Variants in F13A1 observed in about 807,000 individuals in gnomAD.
F13A1 encodes coagulation factor XIII A chain, also known as FSF, A subunit.
A neutral mutation model predicts 80.1 loss-of-function variants in F13A1; 47 were observed. That is an observed-to-expected ratio of 0.59 (90% CI 0.46 to 0.75). F13A1 has a LOEUF of 0.75. Ranked by LOEUF, F13A1 falls within the 30% of genes least tolerant of loss-of-function variation. The pLI is 0.00. For synonymous variants in F13A1, 349 were observed against 344.9 expected (o/e 1.01, Z -0.13); for missense variants, 817 against 930.4 (o/e 0.88, Z 1.59).
At chr6:6,244,476 C>T (rs769829953) in intron 6 of F13A1, among the ~76,000 whole-genome samples, 4 of 152,108 alleles carry the variant, frequency 2.6e-5, no homozygotes, top group African/African-American at 4.8e-5. Context: ...TATCTCAGGC[C>T]TAATCTCTAG....
chr6:6,205,014 G>A (rs1365876850), intron 8 of F13A1, among the ~76,000 whole-genome samples: 1 of 152,250 alleles, frequency 6.6e-6, no homozygotes, highest in Admixed American at 6.5e-5. Context: ...AGCCAGTCAT[G>A]AATGGCCTCA....
chr6:6,310,036 T>A (rs753503438), intron 2 of F13A1, among the ~76,000 whole-genome samples: 19 of 152,206 alleles, frequency 1.2e-4, no homozygotes, highest in Non-Finnish European at 2.1e-4. Flanking sequence ...TCATTGCAAA[T>A]GAAAACCTGG....
At chr6:6,298,903 T>C (rs2113171633) in intron 3 of F13A1, among the ~76,000 whole-genome samples, 1 of 148,690 alleles carries the variant, frequency 6.7e-6, no homozygotes, top group South Asian at 2.1e-4. Context: ...TTCCTTTCCA[T>C]GTTTAGCGCT....
At chr6:6,184,972 C>T (rs1353252820) in intron 10 of F13A1, among the ~76,000 whole-genome samples, 1 of 152,092 alleles carries the variant, frequency 6.6e-6, no homozygotes, top group Admixed American at 6.5e-5. Context: ...TCTGGTTGTA[C>T]TAGGGAATCA....
At chr6:6,190,412 T>C (rs1233372752) in intron 10 of F13A1, among the ~76,000 whole-genome samples, 4 of 151,692 alleles carry the variant, frequency 2.6e-5, no homozygotes, top group Admixed American at 6.6e-5. Flanking sequence ...GGTGTGGATG[T>C]CCTTTCTGTT....
chr6:6,320,246 C>T (rs949829803), intron 1 of F13A1, among the ~76,000 whole-genome samples: 5 of 152,180 alleles, frequency 3.3e-5, no homozygotes, highest in African/African-American at 9.7e-5. Context: ...GGCCCCACTC[C>T]CTCCACCTTT....
chr6:6,185,486 C>T (rs901557991), intron 10 of F13A1, among the ~76,000 whole-genome samples: 3 of 150,914 alleles, frequency 2.0e-5, no homozygotes, highest in Non-Finnish European at 4.4e-5. Context: ...GTTTTTGGTT[C>T]TTGAGATAGT....
intron 14 of F13A1, among the ~76,000 whole-genome samples, chr6:6,149,638 C>A (rs769684344): frequency 1.3e-5 from 2 of 152,192 alleles, no homozygotes; most frequent in African/African-American, 4.8e-5. Flanking sequence ...TCATCAGGAA[C>A]CGAATTGGTC....
intron 10 of F13A1, among the ~76,000 whole-genome samples, chr6:6,190,536 G>GGGGGTGA (rs1183169384): frequency 1.5e-4 from 22 of 150,996 alleles, no homozygotes; most frequent in Non-Finnish European, 2.7e-4. Context: ...TAGGCTGCTC[G>GGGGGTGA]GGGGTCAGGG....
At chr6:6,212,683 A>G (rs867272110) in intron 8 of F13A1, among the ~76,000 whole-genome samples, 41 of 152,260 alleles carry the variant, frequency 2.7e-4, no homozygotes, top group African/African-American at 8.7e-4. Context: ...GATGGAGAAT[A>G]ACTTTGACGA....
chr6:6,210,324 GATATATATAT>G (rs34960466), intron 8 of F13A1, among the ~76,000 whole-genome samples: 9 of 82,882 alleles, frequency 1.1e-4, no homozygotes, highest in South Asian at 4.7e-4. Context: ...TGTAGCATGT[GATATATATAT>G]ATATATATAT....
intron 6 of F13A1, among the ~76,000 whole-genome samples, chr6:6,227,990 G>T (rs116573694): frequency 0.023 from 3,545 of 152,272 alleles, 138 homozygotes; most frequent in African/African-American, 0.08. Flanking sequence ...GATGTAAAGG[G>T]TTAAAATAAT....
intron 8 of F13A1, among the ~76,000 whole-genome samples, chr6:6,204,172 C>T (rs1417015713): frequency 6.6e-6 from 1 of 152,184 alleles, no homozygotes; most frequent in African/African-American, 2.4e-5. Context: ...CTGACCTTAA[C>T]TTGGCTAACT....
intron 3 of F13A1, among the ~76,000 whole-genome samples, chr6:6,280,248 T>A (rs1758042282): frequency 6.6e-6 from 1 of 152,196 alleles, no homozygotes; most frequent in Non-Finnish European, 1.5e-5. Flanking sequence ...TGCTGAGATA[T>A]GATACATTTC....
At chr6:6,305,309 CA>C in intron 3 of F13A1, 41 bp downstream of exon 3, 1 of 1,609,152 alleles carries the variant, frequency 6.2e-7, no homozygotes, top group Non-Finnish European at 8.5e-7. Flanking sequence ...CTCTACAATG[CA>C]ACCCATGGTG....
chr6:6,252,799 T>A (rs1039732114), intron 4 of F13A1, among the ~76,000 whole-genome samples: 1 of 152,150 alleles, frequency 6.6e-6, no homozygotes, highest in Non-Finnish European at 1.5e-5. Context: ...CCAACCAAAC[T>A]TCTACTCAGA....
chr6:6,174,973 T>C, intron 11 of F13A1, 106 bp from the exon 12 acceptor site: 2 of 1,385,366 alleles, frequency 1.4e-6, no homozygotes, highest in South Asian at 1.2e-5. Context: ...GTTTCTATAA[T>C]ACAAGCTTCA....
At chr6:6,163,669 C>G (rs1026989119) in intron 13 of F13A1, among the ~76,000 whole-genome samples, 1 of 152,132 alleles carries the variant, frequency 6.6e-6, no homozygotes, top group African/African-American at 2.4e-5. Flanking sequence ...AGGACATGAC[C>G]TCATCCTTTT....
At chr6:6,147,901 T>C (rs1287061053) in intron 14 of F13A1, among the ~76,000 whole-genome samples, 1 of 152,220 alleles carries the variant, frequency 6.6e-6, no homozygotes, top group African/African-American at 2.4e-5. Flanking sequence ...TGGGGATGGA[T>C]GTTGTGATAA....
Sources: gnomAD v4.1 joint callset for allele counts (sites outside exome capture counted in the v4.1 genomes callset) on GRCh38, gnomAD v4.1.1 for gene constraint, MANE v1.5 for transcripts, NCBI Gene and HGNC (gene_info 2026-07-23, HGNC 2026-07-21) for gene names.